TENM3: variants seen among roughly 807,000 people sequenced by gnomAD.
TENM3 encodes teneurin transmembrane protein 3, also known as teneurin-3.
Under a neutral mutation model 255.1 loss-of-function variants are expected in TENM3, and 63 were observed. The observed-to-expected ratio is 0.25, with a 90% CI of 0.20 to 0.30. The LOEUF (loss-of-function observed/expected upper bound fraction) is 0.30, where lower values mean the gene tolerates loss of function less well. Among genes scored for constraint, TENM3 ranks in the 10% least tolerant of loss-of-function variants. The probability of loss-of-function intolerance (pLI) is 1.00; values close to 1 mark genes in which losing one functional copy is unlikely to be tolerated. For synonymous variants in TENM3, 1,306 were observed against 1,322.3 expected, an observed-to-expected ratio of 0.99 and a Z score of 0.27; for missense variants, 2,929 against 3,461.1, an observed-to-expected ratio of 0.85 and a Z score of 3.86.
the TENM3 span, among the ~76,000 whole-genome samples, chr4:181,918,886 C>T: frequency 6.6e-6 from 1 of 151,836 alleles, no homozygotes; most frequent in Non-Finnish European, 1.5e-5. Flanking sequence ...GTAAGAGTGA[C>T]AAAAAATAAA....
At chr4:182,680,168 A>G in intron 8 of TENM3, 80 bp from the exon 9 acceptor site, 1 of 1,017,650 alleles carries the variant, frequency 9.8e-7, no homozygotes, top group East Asian at 2.5e-5. Context: ...TCTAGCATAA[A>G]TGAAGATCAA....
the TENM3 span, among the ~76,000 whole-genome samples, chr4:181,777,909 T>G: frequency 3.3e-5 from 5 of 152,090 alleles, no homozygotes; most frequent in Non-Finnish European, 5.9e-5. Flanking sequence ...GGCAAATTAT[T>G]GTCACACTCT....
At chr4:182,756,867 A>G (rs1579364725) in intron 22 of TENM3, among the ~76,000 whole-genome samples, 2 of 152,160 alleles carry the variant, frequency 1.3e-5, no homozygotes, top group African/African-American at 4.8e-5. Flanking sequence ...TAGTATCGCA[A>G]TAGGAAAGGA....
chr4:181,718,492 G>C, the TENM3 span, among the ~76,000 whole-genome samples: 1 of 152,052 alleles, frequency 6.6e-6, no homozygotes, highest in African/African-American at 2.4e-5. Context: ...CTCCTATAGT[G>C]GATTTTAGCC....
chr4:182,094,429 G>A, the TENM3 span, among the ~76,000 whole-genome samples: 9 of 152,206 alleles, frequency 5.9e-5, no homozygotes, highest in Middle Eastern at 3.4e-3. Flanking sequence ...TACGTTTTTA[G>A]TAGAGACGGG....
chr4:182,644,329 T>C (rs1752556983), intron 5 of TENM3, among the ~76,000 whole-genome samples: 1 of 152,240 alleles, frequency 6.6e-6, no homozygotes, highest in Admixed American at 6.5e-5. Context: ...GATCAAAATT[T>C]GGCACCTTTT....
At chr4:182,726,716 G>A (rs11721401) in intron 13 of TENM3, among the ~76,000 whole-genome samples, 8,734 of 152,226 alleles carry the variant, frequency 0.057, 274 homozygotes, top group African/African-American at 0.081. Flanking sequence ...CACAGCGTCC[G>A]CTACTTTTAT....
chr4:181,516,546 C>T, the TENM3 span, among the ~76,000 whole-genome samples: 1 of 151,714 alleles, frequency 6.6e-6, no homozygotes, highest in Admixed American at 6.6e-5. Flanking sequence ...TTTGGGAGGC[C>T]GAGGCGGGCA....
the TENM3 span, among the ~76,000 whole-genome samples, chr4:181,824,086 A>T: frequency 1.3e-5 from 2 of 152,110 alleles, no homozygotes; most frequent in African/African-American, 4.8e-5. Flanking sequence ...GGAATTTTTC[A>T]TATTTTTCTA....
chr4:182,356,812 AC>A (rs1420519062), intron 3 of TENM3, among the ~76,000 whole-genome samples: 1 of 151,312 alleles, frequency 6.6e-6, no homozygotes, highest in Admixed American at 6.6e-5. Flanking sequence ...GGTGTGCTGC[AC>A]CCACTAACTC....
chr4:182,569,005 G>A (rs1472461098), intron 3 of TENM3, among the ~76,000 whole-genome samples: 2 of 152,188 alleles, frequency 1.3e-5, no homozygotes, highest in African/African-American at 4.8e-5. Context: ...GAAGGGAATT[G>A]TCTGGAAATG....
At chr4:182,027,217 C>T in the TENM3 span, among the ~76,000 whole-genome samples, 2 of 151,734 alleles carry the variant, frequency 1.3e-5, no homozygotes, top group African/African-American at 4.8e-5. Context: ...AATGGGATTA[C>T]TTTAATTTTA....
chr4:182,580,823 A>G (rs1013784011), intron 3 of TENM3, among the ~76,000 whole-genome samples: 6 of 152,222 alleles, frequency 3.9e-5, no homozygotes, highest in African/African-American at 7.2e-5. Flanking sequence ...AGATTATTCT[A>G]CGATCACTTG....
chr4:182,107,521 G>A, the TENM3 span, among the ~76,000 whole-genome samples: 1 of 152,204 alleles, frequency 6.6e-6, no homozygotes, highest in African/African-American at 2.4e-5. Context: ...GAAGCGAAAA[G>A]TGGGGGGACA....
At chr4:182,249,112 C>T (rs1757833637) in intron 1 of TENM3, among the ~76,000 whole-genome samples, 1 of 152,156 alleles carries the variant, frequency 6.6e-6, no homozygotes, top group Non-Finnish European at 1.5e-5. Flanking sequence ...GATTAAATTC[C>T]TTGGCCAGAG....
the TENM3 span, among the ~76,000 whole-genome samples, chr4:181,766,991 G>A: frequency 2.2e-4 from 33 of 151,048 alleles, 1 homozygote; most frequent in Admixed American, 1.8e-3. Context: ...AGTGGCTCAC[G>A]CCTGTAATCC....
the TENM3 span, among the ~76,000 whole-genome samples, chr4:181,768,071 A>G: frequency 6.6e-6 from 1 of 152,246 alleles, no homozygotes; most frequent in Non-Finnish European, 1.5e-5. Flanking sequence ...GTCTGTAGAC[A>G]TGCGGATGTG....
chr4:182,355,624 T>G (rs1161769318), intron 3 of TENM3, among the ~76,000 whole-genome samples: 3 of 152,038 alleles, frequency 2.0e-5, no homozygotes, highest in Admixed American at 1.3e-4. Context: ...TTAGATAGTA[T>G]TATAATTATC....
chr4:182,262,868 C>T (rs1234889345), intron 1 of TENM3, among the ~76,000 whole-genome samples: 2 of 151,962 alleles, frequency 1.3e-5, no homozygotes, highest in Non-Finnish European at 2.9e-5. Flanking sequence ...CACCCACCAC[C>T]ACGCCCGGCT....
Sources: gnomAD v4.1 joint callset for allele counts (sites outside exome capture counted in the v4.1 genomes callset) on GRCh38, gnomAD v4.1.1 for gene constraint, MANE v1.5 for transcripts, NCBI Gene and HGNC (gene_info 2026-07-23, HGNC 2026-07-21) for gene names.